Variants in DRC9 observed in about 807,000 individuals in gnomAD.
DRC9 encodes dynein regulatory complex protein 9.
the DRC9 span, among the ~76,000 whole-genome samples, chr3:197,918,884 T>C: frequency 5.9e-5 from 9 of 152,064 alleles, no homozygotes; most frequent in East Asian, 1.9e-4. Context: ...TCTTGGCTCA[T>C]TGCAACTTCG....
chr3:197,929,881 G>A, the DRC9 span, among the ~76,000 whole-genome samples: 4 of 151,906 alleles, frequency 2.6e-5, no homozygotes, highest in Admixed American at 2.0e-4. This position sits in a 1 kb window ranked among gnomAD's most constrained non-coding sequence, Gnocchi z 4.6. Flanking sequence ...CGAGGCAGGC[G>A]AGGCAGGCGG....
the DRC9 span, chr3:197,953,392 T>G: frequency 2.2e-6 from 1 of 456,116 alleles, no homozygotes; most frequent in Admixed American, 2.4e-5. Flanking sequence ...GAAATATATA[T>G]AAAGTCATAT....
the DRC9 span, chr3:197,889,423 G>T: frequency 1.2e-6 from 1 of 833,788 alleles, no homozygotes; most frequent in South Asian, 1.7e-5. Flanking sequence ...CAGGCAGAGT[G>T]AAATTAACAG....
At chr3:197,945,620 TC>T in the DRC9 span, 2 of 1,581,598 alleles carry the variant, frequency 1.3e-6, no homozygotes, top group African/African-American at 1.4e-5. Context: ...TTAAACATAC[TC>T]TTCCATTCTT....
the DRC9 span, among the ~76,000 whole-genome samples, chr3:197,955,585 G>A: frequency 1.3e-5 from 2 of 152,100 alleles, no homozygotes; most frequent in African/African-American, 2.4e-5. Flanking sequence ...TATGAGTGCC[G>A]GTTCTTACGG....
chr3:197,932,083 G>T, the DRC9 span: 1 of 1,365,592 alleles, frequency 7.3e-7, no homozygotes, highest in Non-Finnish European at 1.0e-6. Context: ...AAAGCACACG[G>T]TTGGTTTGCT....
the DRC9 span, among the ~76,000 whole-genome samples, chr3:197,895,013 C>T: frequency 8.3e-4 from 126 of 151,952 alleles, no homozygotes; most frequent in Middle Eastern, 6.8e-3. Context: ...GCTATGATTA[C>T]GCCACTGCAC....
the DRC9 span, chr3:197,954,122 A>G: frequency 6.2e-7 from 1 of 1,614,208 alleles, no homozygotes; most frequent in East Asian, 2.2e-5. Flanking sequence ...CTTCCTGCTA[A>G]GGCCATTGGA....
chr3:197,892,897 G>A, the DRC9 span: 5 of 1,096,054 alleles, frequency 4.6e-6, no homozygotes, highest in Non-Finnish European at 6.5e-6. Context: ...TACTTACCTG[G>A]GTGGAGAGTT....
At chr3:197,932,364 G>A in the DRC9 span, 3 of 1,407,760 alleles carry the variant, frequency 2.1e-6, no homozygotes, top group East Asian at 5.0e-5. Flanking sequence ...GCCGGGCATG[G>A]TGGCTCACCC....
At chr3:197,952,469 CT>C in the DRC9 span, 1 of 151,922 alleles carries the variant, frequency 6.6e-6, no homozygotes, top group Non-Finnish European at 1.5e-5. Flanking sequence ...TGCCCCGCCC[CT>C]TGTTTTTTCT....
chr3:197,960,172 C>G, the DRC9 span: 2 of 1,509,318 alleles, frequency 1.3e-6, no homozygotes, highest in Non-Finnish European at 1.8e-6. Flanking sequence ...CCGTCTACCC[C>G]CAGCGGCGAG....
chr3:197,951,387 T>C, the DRC9 span: 1 of 1,512,064 alleles, frequency 6.6e-7, no homozygotes, highest in South Asian at 1.1e-5. Context: ...GGAGTCTTGC[T>C]CTGTTGCCGA....
chr3:197,913,325 T>TGTGCGTGC, the DRC9 span: 50 of 191,006 alleles, frequency 2.6e-4, no homozygotes, highest in African/African-American at 8.2e-4. Flanking sequence ...GCTTTGCGTG[T>TGTGCGTGC]GTGCGTGCGT....
the DRC9 span, chr3:197,912,954 G>C: frequency 1.1e-5 from 6 of 569,490 alleles, no homozygotes; most frequent in East Asian, 1.8e-4. Flanking sequence ...TCCCTAACGA[G>C]ACGAGCACAA....
the DRC9 span, among the ~76,000 whole-genome samples, chr3:197,895,076 T>G: frequency 2.6e-5 from 4 of 151,932 alleles, no homozygotes; most frequent in Non-Finnish European, 5.9e-5. Context: ...AAAATCTGAT[T>G]ATGTTAGAAC....
chr3:197,911,793 C>A, the DRC9 span, among the ~76,000 whole-genome samples: 19 of 151,712 alleles, frequency 1.3e-4, no homozygotes, highest in Non-Finnish European at 7.4e-5. Context: ...GCGCCCGCCA[C>A]CATGCCTGGC....
chr3:197,937,034 C>T, the DRC9 span, among the ~76,000 whole-genome samples: 5 of 152,264 alleles, frequency 3.3e-5, no homozygotes, highest in South Asian at 2.1e-4. Context: ...TCTTTGGCAA[C>T]GACTCAACTC....
the DRC9 span, among the ~76,000 whole-genome samples, chr3:197,952,234 A>G: frequency 7.2e-6 from 1 of 139,296 alleles, no homozygotes; most frequent in Non-Finnish European, 1.5e-5. Context: ...CAGTAGCACA[A>G]TATCGGCTCA....
Sources: gnomAD v4.1 joint callset for allele counts (sites outside exome capture counted in the v4.1 genomes callset) on GRCh38, gnomAD v4.1.1 for gene constraint, Gnocchi (gnomAD v3.1) non-coding constraint, MANE v1.5 for transcripts, NCBI Gene and HGNC (gene_info 2026-07-23, HGNC 2026-07-21) for gene names.